Variants in WIPF2 observed in about 807,000 individuals in gnomAD.
WIPF2 encodes the protein WAS/WASL interacting protein family member 2, also known as WAS/WASL-interacting protein family member 2.
In WIPF2, 23 loss-of-function variants were observed where a neutral mutation model predicts 38.8. The ratio of observed to expected loss-of-function variants is 0.59; its 90% confidence interval spans 0.43 to 0.84. WIPF2 has a LOEUF of 0.84. Ranked by LOEUF, WIPF2 falls within the 40% of genes least tolerant of loss-of-function variation. WIPF2 has a pLI of 0.00. For missense variants in WIPF2, 574 were observed against 580.5 expected (o/e 0.99, Z 0.11); for synonymous variants, 210 against 223.2 (o/e 0.94, Z 0.53).
At chr17:40,263,928 A>G (rs188432358) in intron 4 of WIPF2, among the ~76,000 whole-genome samples, 4 of 152,308 alleles carry the variant, frequency 2.6e-5, no homozygotes, top group East Asian at 1.9e-4. Flanking sequence ...TCCACAACGT[A>G]TACATATAAC....
chr17:40,262,077 CTTT>C (rs34246534), intron 3 of WIPF2, among the ~76,000 whole-genome samples: 55 of 122,560 alleles, frequency 4.5e-4, no homozygotes, highest in Admixed American at 5.1e-4. Flanking sequence ...TTTCTTTTCT[CTTT>C]TTTTTTTTTT....
chr17:40,222,654 G>GTT lies in WIPF2; in HGVS notation c.-70+3194_-70+3195dup, dbSNP rs58758484. Among the ~76,000 whole-genome samples the GTT allele has an allele frequency of 5.6e-3, 296 of 52,864 alleles. 22 individuals carry two copies. Among genetic ancestry groups the GTT allele is most frequent in the Non-Finnish European group, 6.7e-3 (189 of 28,104 alleles). 34.7% of individuals were successfully genotyped at this position (52,864 alleles called of 152,430 possible). On this transcript the variant is annotated intron_variant, in intron 1 of 7. Transcript: ENST00000323571. ...CTGGTTTTGATTTGATGCATATTCA[G>GTT]TTTTTTTTTTTTTTTTTTTTTTTTT...
intron 5 of WIPF2, 32 bp downstream of exon 5, chr17:40,265,178 A>G (rs376165885): frequency 8.4e-6 from 13 of 1,552,382 alleles, no homozygotes; most frequent in African/African-American, 4.1e-5. Context: ...TTTCCCTATC[A>G]TGCTGTGAGT....
At chr17:40,246,843 C>T (rs994835832) in intron 1 of WIPF2, among the ~76,000 whole-genome samples, 8 of 151,934 alleles carry the variant, frequency 5.3e-5, no homozygotes, top group African/African-American at 9.7e-5. Flanking sequence ...CCGGGCGTGG[C>T]GACTCATGCC....
At chr17:40,226,239 T>C (rs1055035090) in intron 1 of WIPF2, among the ~76,000 whole-genome samples, 7 of 150,828 alleles carry the variant, frequency 4.6e-5, no homozygotes, top group African/African-American at 1.7e-4. Flanking sequence ...AGTCTCGTTC[T>C]GTCGGCCAGT....
intron 1 of WIPF2, among the ~76,000 whole-genome samples, chr17:40,246,350 TGCTGGGATTACA>T (rs1203989688): frequency 6.6e-6 from 1 of 151,534 alleles, no homozygotes; most frequent in African/African-American, 2.4e-5. Context: ...CCTCCCAAAG[TGCTGGGATTACA>T]GGCGTGAGCC....
intron 1 of WIPF2, among the ~76,000 whole-genome samples, chr17:40,238,617 A>C (rs931250907): frequency 1.4e-5 from 2 of 147,928 alleles, no homozygotes; most frequent in African/African-American, 5.1e-5. Flanking sequence ...TTATTTATTT[A>C]TTATTATTTT....
At chr17:40,239,141 G>T (rs1028399563) in intron 1 of WIPF2, among the ~76,000 whole-genome samples, 1 of 150,766 alleles carries the variant, frequency 6.6e-6, no homozygotes, top group Non-Finnish European at 1.5e-5. Flanking sequence ...GTGCGATCTC[G>T]GCTCACTGCA....
At chr17:40,236,087 G>A (rs1168778898) in intron 1 of WIPF2, among the ~76,000 whole-genome samples, 4 of 150,554 alleles carry the variant, frequency 2.7e-5, no homozygotes, top group Non-Finnish European at 5.9e-5. Context: ...GCACCGCCCC[G>A]AGTTGCTGGG....
In WIPF2 at chr17:40,280,097, T is replaced by C. The variant is rs2032512302; in HGVS notation, c.*1872T>C. 6.6e-6 allele frequency: 1 copy of C among 152,140 alleles called. No homozygotes were observed. The highest frequency in any genetic ancestry group is 1.5e-5 in the Non-Finnish European group (1 of 68,044). The allele number at this position is 152,140 out of a possible 1,614,324, so 9.4% of individuals were successfully genotyped here. Reference sequence around the variant, plus strand: ...ATGATTAGGTCTGTCACCAAACTTTTCCTAATCATTTTTTATGTATCATTC... The same window carrying C: ...ATGATTAGGTCTGTCACCAAACTTTCCCTAATCATTTTTTATGTATCATTC... On this transcript the variant is annotated 3_prime_UTR_variant, in exon 8 of 8. Coordinates refer to ENST00000323571, the MANE Select transcript of WIPF2 (RefSeq NM_133264.5).
intron 1 of WIPF2, among the ~76,000 whole-genome samples, chr17:40,222,661 T>G (rs1255115043): frequency 9.3e-5 from 8 of 85,994 alleles, no homozygotes; most frequent in South Asian, 4.8e-4. Context: ...TCAGTTTTTT[T>G]TTTTTTTTTT....
At chr17:40,262,676 G>A (rs1207212314) in intron 4 of WIPF2, 35 bp downstream of exon 4, 4 of 1,575,812 alleles carry the variant, frequency 2.5e-6, no homozygotes, top group Non-Finnish European at 3.5e-6. Flanking sequence ...GTATTTCCCT[G>A]GTGTGTTAAT....
intron 1 of WIPF2, among the ~76,000 whole-genome samples, chr17:40,248,300 G>A (rs1412961432): frequency 2.7e-5 from 4 of 150,534 alleles, no homozygotes; most frequent in Non-Finnish European, 4.4e-5. Flanking sequence ...AAATAGCTGG[G>A]ATTATAAGCA....
intron 1 of WIPF2, among the ~76,000 whole-genome samples, chr17:40,223,037 A>AT (rs1342269690): frequency 6.6e-6 from 1 of 151,650 alleles, no homozygotes; most frequent in African/African-American, 2.4e-5. Flanking sequence ...ATTGTGTTAC[A>AT]TTGGTTGCCA....
intron 1 of WIPF2, among the ~76,000 whole-genome samples, chr17:40,256,109 A>G (rs2031720579): frequency 6.6e-6 from 1 of 151,288 alleles, no homozygotes; most frequent in African/African-American, 2.4e-5. Flanking sequence ...AAAAAAAAAA[A>G]AAAAAAAAAA....
intron 1 of WIPF2, among the ~76,000 whole-genome samples, chr17:40,244,465 G>T (rs1159940062): frequency 6.6e-6 from 1 of 152,188 alleles, no homozygotes; most frequent in Admixed American, 6.6e-5. Context: ...CAGGTGGGCA[G>T]ATTACCAACA....
At chr17:40,224,952 A>G (rs1303238099) in intron 1 of WIPF2, among the ~76,000 whole-genome samples, 1 of 151,586 alleles carries the variant, frequency 6.6e-6, no homozygotes, top group African/African-American at 2.4e-5. Flanking sequence ...TCTTCACACA[A>G]CTCCCAAGCA....
chr17:40,223,164 G>A (rs2030326085), intron 1 of WIPF2, among the ~76,000 whole-genome samples: 2 of 151,634 alleles, frequency 1.3e-5, no homozygotes, highest in Non-Finnish European at 2.9e-5. Flanking sequence ...TTTATTTTGA[G>A]ACAGAGTCTT....
At chr17:40,251,153 A>G (rs2031550931) in intron 1 of WIPF2, among the ~76,000 whole-genome samples, 1 of 151,828 alleles carries the variant, frequency 6.6e-6, no homozygotes, top group African/African-American at 2.4e-5. Context: ...TGACCTTGTG[A>G]TCCGCCCTCC....
Sources: allele counts gnomAD v4.1 joint callset (sites outside exome capture counted in the v4.1 genomes callset), GRCh38; gene constraint gnomAD v4.1.1; transcripts MANE v1.5; gene names NCBI Gene and HGNC (gene_info 2026-07-23, HGNC 2026-07-21).